Variants in TMEM116 observed in about 807,000 individuals in gnomAD.
TMEM116 encodes the protein transmembrane protein 116.
TMEM116 carries 38 observed loss-of-function variants against 44.3 expected under a neutral mutation model. The ratio of observed to expected loss-of-function variants is 0.86; its 90% CI spans 0.66 to 1.12. The LOEUF is 1.12. Ranked by LOEUF, TMEM116 falls within the 50% of genes most tolerant of loss-of-function variation. The probability of loss-of-function intolerance (pLI) is 0.00; values close to 1 mark genes in which losing one functional copy is unlikely to be tolerated. For synonymous variants in TMEM116, 132 were observed against 144.8 expected, an observed-to-expected ratio of 0.91 and a Z score of 0.64; for missense variants, 354 against 401.7, an observed-to-expected ratio of 0.88 and a Z score of 1.01.
intron 1 of TMEM116, among the ~76,000 whole-genome samples, chr12:112,008,904 G>A (rs2077709239): frequency 6.6e-6 from 1 of 151,810 alleles, no homozygotes; most frequent in Non-Finnish European, 1.5e-5. Context: ...GAACCCAGGA[G>A]GTGGAGGTTG....
intron 4 of TMEM116, among the ~76,000 whole-genome samples, chr12:111,946,363 G>A (rs1398477608): frequency 3.3e-5 from 5 of 152,168 alleles, no homozygotes; most frequent in Non-Finnish European, 5.9e-5. Flanking sequence ...TTTATTGACA[G>A]CAAGTCAGTA....
At chr12:112,000,471 C>T (rs2077190286) in intron 3 of TMEM116, among the ~76,000 whole-genome samples, 1 of 151,734 alleles carries the variant, frequency 6.6e-6, no homozygotes, top group East Asian at 1.9e-4. Context: ...CTACTATTAA[C>T]AGTAAGCAAA....
At chr12:112,005,822 T>C (rs1160175288) in intron 1 of TMEM116, 24 of 875,920 alleles carry the variant, frequency 2.7e-5, no homozygotes, top group East Asian at 2.4e-4. Context: ...AGAGGAAAGA[T>C]AGACTAGTAA....
intron 4 of TMEM116, among the ~76,000 whole-genome samples, chr12:111,950,976 A>G (rs1302506093): frequency 6.6e-6 from 1 of 152,242 alleles, no homozygotes; most frequent in African/African-American, 2.4e-5. Context: ...GAACTTAAAA[A>G]TCAACTTATA....
intron 4 of TMEM116, among the ~76,000 whole-genome samples, chr12:111,984,239 T>TA (rs1045716291): frequency 4.0e-5 from 6 of 151,774 alleles, no homozygotes; most frequent in African/African-American, 9.7e-5. Context: ...TATTCAGCCA[T>TA]AAAAAAAATG....
intron 3 of TMEM116, among the ~76,000 whole-genome samples, chr12:112,000,139 A>G (rs1243507384): frequency 6.6e-6 from 1 of 152,256 alleles, no homozygotes; most frequent in African/African-American, 2.4e-5. Flanking sequence ...TCTCCTTGAT[A>G]TATCAGAGAG....
intron 4 of TMEM116, among the ~76,000 whole-genome samples, chr12:111,953,686 G>A (rs542974344): frequency 8.5e-5 from 13 of 152,282 alleles, no homozygotes; most frequent in African/African-American, 3.1e-4. Flanking sequence ...TAACAATTAC[G>A]TAATCCTCCT....
At chr12:112,005,860 G>A (rs1252868681) in intron 1 of TMEM116, 1 of 911,950 alleles carries the variant, frequency 1.1e-6, no homozygotes, top group African/African-American at 1.8e-5. Flanking sequence ...AAAGTTAGTA[G>A]TATGAAAAGA....
At chr12:112,009,375 A>G (rs2077730817) in intron 1 of TMEM116, among the ~76,000 whole-genome samples, 1 of 152,168 alleles carries the variant, frequency 6.6e-6, no homozygotes, top group African/African-American at 2.4e-5. Flanking sequence ...AAACCTGGTA[A>G]TAACTAAATT....
At chr12:111,952,128 C>T (rs1199193978) in intron 4 of TMEM116, among the ~76,000 whole-genome samples, 1 of 152,128 alleles carries the variant, frequency 6.6e-6, no homozygotes, top group Non-Finnish European at 1.5e-5. Flanking sequence ...ACTTGGGACG[C>T]TGAGGCAGGA....
rs557418364 is a variant in TMEM116 at position 111,979,825 on chromosome 12, A to G, written c.210+11933T>C. Among the ~76,000 whole-genome samples, 26 of 152,360 alleles carry G rather than the reference A, an allele frequency of 1.7e-4. No homozygotes were observed. The South Asian group carries it at 4.8e-3, about 28-fold the overall frequency. On this transcript the variant is annotated intron_variant, in intron 4 of 10. Transcript: ENST00000552374. ...CAAAGAAGACAGGTAGCAAATGAGC[A>G]TATAAAAAAATGTTCAACATTATAT...
At chr12:111,999,976 TTAAAGTCATC>T (rs2077162339) in intron 3 of TMEM116, among the ~76,000 whole-genome samples, 1 of 152,222 alleles carries the variant, frequency 6.6e-6, no homozygotes, top group Non-Finnish European at 1.5e-5. Flanking sequence ...TTTTTTTTGT[TTAAAGTCATC>T]ACTGTAGAAA....
intron 4 of TMEM116, among the ~76,000 whole-genome samples, chr12:111,955,876 G>A (rs1470173629): frequency 2.6e-5 from 4 of 152,110 alleles, no homozygotes; most frequent in Admixed American, 2.6e-4. Context: ...GGAGCTGTAG[G>A]CTATACCATA....
At chr12:112,011,058 G>A (rs961282717) in intron 1 of TMEM116, 3 of 152,338 alleles carry the variant, frequency 2.0e-5, no homozygotes, top group African/African-American at 7.2e-5. Flanking sequence ...CCCGGGAGTA[G>A]AGAGAGTCCA....
chr12:112,008,152 G>GACATCACTGCATCA (rs1234474798), intron 1 of TMEM116, among the ~76,000 whole-genome samples: 9 of 152,074 alleles, frequency 5.9e-5, no homozygotes, highest in African/African-American at 2.2e-4. Flanking sequence ...CTGCACTCAC[G>GACATCACTGCATCA]CTCCAGCCTG....
chr12:111,964,122 C>T (rs1476784943), intron 4 of TMEM116, among the ~76,000 whole-genome samples: 1 of 148,812 alleles, frequency 6.7e-6, no homozygotes, highest in Non-Finnish European at 1.5e-5. Context: ...TACTATATCA[C>T]CTGAATTTCA....
At chr12:111,966,126 C>T (rs2074965369) in intron 4 of TMEM116, among the ~76,000 whole-genome samples, 1 of 151,940 alleles carries the variant, frequency 6.6e-6, no homozygotes, top group South Asian at 2.1e-4. Context: ...GCCAACGTGG[C>T]AAAACCCTAT....
chr12:111,976,515 C>T (rs1250559386), intron 4 of TMEM116, among the ~76,000 whole-genome samples: 1 of 151,978 alleles, frequency 6.6e-6, no homozygotes, highest in Non-Finnish European at 1.5e-5. Context: ...AACATAAAAC[C>T]TTACATTAAA....
chr12:111,944,347 A>C (rs1023374808), intron 4 of TMEM116, among the ~76,000 whole-genome samples: 1 of 152,044 alleles, frequency 6.6e-6, no homozygotes, highest in Admixed American at 6.6e-5. Flanking sequence ...CAAGTACCCC[A>C]GCTCACCAGC....
Sources: gnomAD v4.1 joint callset for allele counts (sites outside exome capture counted in the v4.1 genomes callset) on GRCh38, gnomAD v4.1.1 for gene constraint, MANE v1.5 for transcripts, NCBI Gene and HGNC (gene_info 2026-07-23, HGNC 2026-07-21) for gene names.